SGCZ: variants seen among roughly 807,000 people sequenced by gnomAD.
SGCZ encodes the protein zeta-sarcoglycan.
Under a neutral mutation model 41.3 loss-of-function variants are expected in SGCZ, and 40 were observed. The observed-to-expected ratio is 0.97, with a 90% CI of 0.75 to 1.26. The LOEUF (loss-of-function observed/expected upper bound fraction) is 1.26. Among genes scored for constraint, SGCZ ranks in the 50% most tolerant of loss-of-function variants. SGCZ has a pLI of 0.00. For missense variants in SGCZ, 552 were observed against 369.8 expected, an observed-to-expected ratio of 1.49 and a Z score of -4.04; for synonymous variants, 206 against 137.5, an observed-to-expected ratio of 1.50 and a Z score of -3.49.
chr8:14,687,449 GT>G (rs1191717194), intron 1 of SGCZ, among the ~76,000 whole-genome samples: 1 of 151,208 alleles, frequency 6.6e-6, no homozygotes, highest in Non-Finnish European at 1.5e-5. Context: ...GCGGTGTTTG[GT>G]TTTTTGTCCT....
At chr8:14,359,513 A>C (rs1803427752) in intron 2 of SGCZ, among the ~76,000 whole-genome samples, 1 of 152,150 alleles carries the variant, frequency 6.6e-6, no homozygotes, top group Non-Finnish European at 1.5e-5. Context: ...CAAAAAACTG[A>C]AATAATATCA....
chr8:14,574,967 T>C lies in SGCZ; in HGVS notation c.40-20041A>G, dbSNP rs373537087. Among the ~76,000 whole-genome samples, 18 of 152,270 alleles carry C rather than the reference T, an allele frequency of 1.2e-4. No homozygotes were observed. The East Asian group carries it at 2.7e-3, about 23-fold the overall frequency. On this transcript the variant is annotated intron_variant, in intron 1 of 7. Transcript: ENST00000382080. ...CAAAAATAAAATTATTTTATAAAAA[T>C]AACGGTTTTCATTAAAAGAGGATGG...
At chr8:14,762,117 C>T (rs1039427774) in intron 1 of SGCZ, among the ~76,000 whole-genome samples, 3 of 152,072 alleles carry the variant, frequency 2.0e-5, no homozygotes, top group African/African-American at 4.8e-5. Context: ...AAAATGGAAG[C>T]GTTCTATCTA....
In SGCZ at chr8:14,341,960, T is replaced by C. The variant is rs550213256; in HGVS notation, c.235-17756A>G. The stretch of plus-strand genomic sequence containing the variant: ...GAATAATACAGTAAATTTGTACCAG[T>C]AGAATGTGGTGTTGTTGAAAAGATA... On this transcript the variant is annotated intron_variant, in intron 2 of 7. Coordinates refer to ENST00000382080, the MANE Select transcript of SGCZ (RefSeq NM_139167.4). Among the ~76,000 whole-genome samples, 3 of 152,238 alleles carry C rather than the reference T, an allele frequency of 2.0e-5. No individual in the cohort carries two copies. In the South Asian group the frequency reaches 6.2e-4, roughly 32 times the overall value.
intron 2 of SGCZ, among the ~76,000 whole-genome samples, chr8:14,384,409 C>G (rs1467115978): frequency 1.3e-5 from 2 of 151,964 alleles, no homozygotes; most frequent in African/African-American, 4.8e-5. Context: ...AAATGTGGCA[C>G]AAATACACCA....
chr8:14,293,012 G>C (rs933040643), intron 3 of SGCZ, among the ~76,000 whole-genome samples: 1 of 151,856 alleles, frequency 6.6e-6, no homozygotes, highest in Admixed American at 6.6e-5. Flanking sequence ...GAACAGAATG[G>C]TTTCATTCAC....
intron 1 of SGCZ, among the ~76,000 whole-genome samples, chr8:14,800,991 C>T (rs1585271784): frequency 1.3e-5 from 2 of 152,262 alleles, no homozygotes; most frequent in South Asian, 2.1e-4. Context: ...ACAAAGGAAA[C>T]TAGCTCCGAA....
At chr8:14,631,963 T>C (rs1002010115) in intron 1 of SGCZ, among the ~76,000 whole-genome samples, 3 of 152,144 alleles carry the variant, frequency 2.0e-5, no homozygotes, top group African/African-American at 7.2e-5. Flanking sequence ...ATAATGTTTG[T>C]TACATTATTA....
At chr8:14,731,500 G>A (rs570861545) in intron 1 of SGCZ, among the ~76,000 whole-genome samples, 19 of 152,086 alleles carry the variant, frequency 1.2e-4, no homozygotes, top group South Asian at 2.1e-4. Flanking sequence ...AAACCTGCAC[G>A]TACTGCACAT....
At chr8:14,744,633 A>G (rs779364600) in intron 1 of SGCZ, among the ~76,000 whole-genome samples, 1 of 152,200 alleles carries the variant, frequency 6.6e-6, no homozygotes, top group Non-Finnish European at 1.5e-5. Flanking sequence ...ATGGACAAGA[A>G]AAATACTTTA....
At chr8:14,603,010 T>C (rs1245681144) in intron 1 of SGCZ, among the ~76,000 whole-genome samples, 1 of 152,158 alleles carries the variant, frequency 6.6e-6, no homozygotes, top group Non-Finnish European at 1.5e-5. Flanking sequence ...CCATGCTTAA[T>C]CTAGGAAAAC....
chr8:14,713,197 T>C (rs1001985700), intron 1 of SGCZ, among the ~76,000 whole-genome samples: 1 of 152,154 alleles, frequency 6.6e-6, no homozygotes, highest in Admixed American at 6.5e-5. Context: ...TGCATAGTAA[T>C]TTGTAAAAGA....
intron 1 of SGCZ, among the ~76,000 whole-genome samples, chr8:15,009,471 G>A (rs1256139300): frequency 1.3e-5 from 2 of 152,132 alleles, no homozygotes; most frequent in South Asian, 2.1e-4. Context: ...TAGTTTACAA[G>A]TTTATCTCAA....
intron 1 of SGCZ, among the ~76,000 whole-genome samples, chr8:14,817,915 A>C (rs1801956195): frequency 6.6e-6 from 1 of 152,212 alleles, no homozygotes; most frequent in South Asian, 2.1e-4. Flanking sequence ...CACCTGGCTC[A>C]ACAGGCAGTC....
intron 2 of SGCZ, among the ~76,000 whole-genome samples, chr8:14,459,000 T>C (rs530826010): frequency 5.9e-5 from 9 of 152,286 alleles, no homozygotes; most frequent in African/African-American, 1.9e-4. Flanking sequence ...AGAGATTTCA[T>C]TTGTCAAACT....
intron 1 of SGCZ, among the ~76,000 whole-genome samples, chr8:14,649,006 A>T (rs113708118): frequency 6.6e-6 from 1 of 152,102 alleles, no homozygotes; most frequent in African/African-American, 2.4e-5. Flanking sequence ...CCCAACAGTC[A>T]TACCAACTAT....
intron 2 of SGCZ, among the ~76,000 whole-genome samples, chr8:14,419,988 A>T (rs1334577795): frequency 4.6e-5 from 7 of 152,058 alleles, no homozygotes; most frequent in African/African-American, 1.4e-4. Context: ...TGAGCACCAA[A>T]TGTGATTTGT....
chr8:14,469,370 CTTG>C (rs146393448), intron 2 of SGCZ, among the ~76,000 whole-genome samples: 5,404 of 152,144 alleles, frequency 0.036, 290 homozygotes, highest in African/African-American at 0.12. Flanking sequence ...GTCTGGTCTA[CTTG>C]TTGTCTCAAA....
chr8:15,052,984 T>TA (rs1804570486), intron 1 of SGCZ, among the ~76,000 whole-genome samples: 1 of 152,172 alleles, frequency 6.6e-6, no homozygotes, highest in Admixed American at 6.5e-5. Context: ...GCATAGTTCC[T>TA]ACATTTCCAA....
Sources: allele counts gnomAD v4.1 joint callset (sites outside exome capture counted in the v4.1 genomes callset), GRCh38; gene constraint gnomAD v4.1.1; transcripts MANE v1.5; gene names NCBI Gene and HGNC (gene_info 2026-07-23, HGNC 2026-07-21).